The following WNT2 variants were observed in gnomAD, a reference collection of about 807,000 sequenced individuals.
The protein encoded by WNT2 is Wnt family member 2, also known as protein Wnt-2.
In WNT2, 12 loss-of-function variants were observed where a neutral mutation model predicts 36.9. The ratio of observed to expected loss-of-function variants is 0.33; its 90% CI spans 0.21 to 0.53. The LOEUF is 0.53. Ranked by LOEUF, WNT2 falls within the 20% of genes least tolerant of loss-of-function variation. The pLI, the probability that WNT2 is intolerant of heterozygous loss-of-function variation, is 0.95. For synonymous variants in WNT2, 163 were observed against 174.6 expected (o/e 0.93, Z 0.52); for missense variants, 379 against 473.1 (o/e 0.80, Z 1.84).
intron 3 of WNT2, among the ~76,000 whole-genome samples, chr7:117,304,311 T>G (rs1347441615): frequency 6.6e-6 from 1 of 152,172 alleles, no homozygotes; most frequent in Non-Finnish European, 1.5e-5. Context: ...TTACTTTGTA[T>G]TTTTTCCCCT....
chr7:117,283,468 G>A (rs981550725), intron 4 of WNT2, among the ~76,000 whole-genome samples: 23 of 152,204 alleles, frequency 1.5e-4, no homozygotes, highest in Non-Finnish European at 2.4e-4. Flanking sequence ...GAAGTGTCTC[G>A]TTCCTGACTC....
At chr7:117,283,886 G>C (rs1794537795) in intron 4 of WNT2, among the ~76,000 whole-genome samples, 3 of 152,194 alleles carry the variant, frequency 2.0e-5, no homozygotes, top group South Asian at 4.1e-4. Flanking sequence ...AATGAGAGAG[G>C]GTTTTTGAGG....
chr7:117,308,475 C>T (rs1349539324), intron 3 of WNT2, among the ~76,000 whole-genome samples: 1 of 152,192 alleles, frequency 6.6e-6, no homozygotes, highest in Non-Finnish European at 1.5e-5. Flanking sequence ...TATTCCCTGT[C>T]TTGGGACTTG....
intron 3 of WNT2, among the ~76,000 whole-genome samples, chr7:117,314,093 A>ATT (rs1446216115): frequency 1.3e-5 from 2 of 152,168 alleles, no homozygotes; most frequent in Non-Finnish European, 2.9e-5. Context: ...TATCAAACAC[A>ATT]TTTTTATGTT....
At chr7:117,318,604 G>T (rs1795263460) in intron 2 of WNT2, among the ~76,000 whole-genome samples, 1 of 152,160 alleles carries the variant, frequency 6.6e-6, no homozygotes, top group Non-Finnish European at 1.5e-5. Flanking sequence ...GTGGCAATAT[G>T]TTGGCTCACT....
At chr7:117,319,145 A>T (rs1795274275) in intron 2 of WNT2, among the ~76,000 whole-genome samples, 1 of 152,218 alleles carries the variant, frequency 6.6e-6, no homozygotes, top group Non-Finnish European at 1.5e-5. Flanking sequence ...TACTCGTGCT[A>T]GATATTTGCA....
chr7:117,284,750 C>T lies in WNT2; in HGVS notation c.854-6366G>A, dbSNP rs1051912348. ...TGGAGCACTTATGTGAGCTAGGCCC[C>T]ATGCTAAGCATTTTGCCTGCATTGT... is the stretch of plus-strand genomic sequence containing the variant. On this transcript the variant is annotated intron_variant, in intron 4 of 4. Coordinates refer to ENST00000265441, the MANE Select transcript of WNT2 (RefSeq NM_003391.3). This position sits in a 1 kb window ranked among gnomAD's most constrained non-coding sequence, Gnocchi z 5.2. Among the ~76,000 whole-genome samples, 4 of 152,222 alleles carry T rather than the reference C, an allele frequency of 2.6e-5. No individual in the cohort carries two copies. The East Asian group carries it at 7.7e-4, about 29-fold the overall frequency.
chr7:117,317,902 A>G (rs1795250419), intron 2 of WNT2, among the ~76,000 whole-genome samples: 1 of 152,196 alleles, frequency 6.6e-6, no homozygotes, highest in South Asian at 2.1e-4. Flanking sequence ...GAAAATATTT[A>G]TAAGGATGAG....
chr7:117,287,498 A>AT (rs1794606656), intron 4 of WNT2, among the ~76,000 whole-genome samples: 1 of 151,976 alleles, frequency 6.6e-6, no homozygotes, highest in Non-Finnish European at 1.5e-5. Context: ...AACCTCCTTC[A>AT]TTAGGCCTGT....
Position 117,311,264 on chromosome 7 carries a change from GA to G in WNT2, c.588+3806del, listed in dbSNP as rs372735299. 7.1e-3 allele frequency among the ~76,000 whole-genome samples: 1,076 copies of G among 152,096 alleles called. 18 individuals carry two copies. The highest frequency in any genetic ancestry group is 0.023 in the African/African-American group (943 of 41,486). The stretch of plus-strand genomic sequence containing the variant: ...GAAAATGTGTGAAGACACACACAAA[GA>G]AAAAAAATCATCAGTAAACTACCTT... On this transcript the variant is annotated intron_variant, in intron 3 of 4. Transcript: ENST00000265441.
chr7:117,311,757 CT>C (rs763536467), intron 3 of WNT2, among the ~76,000 whole-genome samples: 6 of 152,122 alleles, frequency 3.9e-5, no homozygotes, highest in Non-Finnish European at 4.4e-5. Flanking sequence ...GGGAAAGGAA[CT>C]TTTATTAAGC....
intron 3 of WNT2, among the ~76,000 whole-genome samples, chr7:117,309,492 T>A (rs1795081773): frequency 6.6e-6 from 1 of 152,212 alleles, no homozygotes; most frequent in East Asian, 1.9e-4. Flanking sequence ...GAATTTCAGA[T>A]GATTTCAATG....
intron 4 of WNT2, among the ~76,000 whole-genome samples, chr7:117,281,797 A>T (rs955889373): frequency 2.6e-5 from 4 of 152,172 alleles, no homozygotes; most frequent in Admixed American, 2.6e-4. Flanking sequence ...GGGAGTGTCA[A>T]GTAGGAAAAG....
chr7:117,322,945 G>C lies in WNT2; in HGVS notation c.45C>G (p.Leu15=), dbSNP rs756517583. 1.2e-6 allele frequency: 2 copies of C among 1,613,728 alleles called. No individual in the cohort carries two copies. Among genetic ancestry groups the C allele is most frequent in the African/African-American group, 2.7e-5 (2 of 74,908 alleles). The change falls in exon 1 of 5, where the codon CTC becomes CTG. Residue 15 remains leucine, a synonymous_variant. Transcript: ENST00000265441. This position sits in a 1 kb window ranked among gnomAD's most constrained non-coding sequence, Gnocchi z 5.4. Reference sequence around the variant, plus strand: ...TGACCTCGGGGGTGAGCCAGGTCAAGAGCAGAGGGAGCCAGAGCCAGATTC... The same window carrying C: ...TGACCTCGGGGGTGAGCCAGGTCAACAGCAGAGGGAGCCAGAGCCAGATTC... ...LGGIWLWLPL[L]LTWLTPEVNS... is the part of the protein sequence containing the mutation.
Position 117,297,838 on chromosome 7 carries a change from G to C in WNT2, c.627C>G (p.His209Gln). The change falls in exon 4 of 5, where the codon CAC becomes CAG. Residue 209 changes from histidine (H) to glutamine (Q), a missense_variant. His to Gln is a conservative substitution (Grantham distance 24). Transcript: ENST00000265441. The stretch of plus-strand genomic sequence containing the variant: ...TGAGAGTACATGAGCCGCTCACCCC[G>C]TGGCACTTGCACTCTTGTTTCAAGA... ...KRFLKQECKC[H>Q]GVSGSCTLRT... 6.2e-7 allele frequency: 1 copy of C among 1,613,918 alleles called. No homozygotes were observed. Among genetic ancestry groups the C allele is most frequent in the Non-Finnish European group, 8.5e-7 (1 of 1,179,880 alleles).
At chr7:117,288,095 C>A (rs888662737) in intron 4 of WNT2, among the ~76,000 whole-genome samples, 2 of 152,138 alleles carry the variant, frequency 1.3e-5, no homozygotes, top group African/African-American at 4.8e-5. Context: ...GGCAGCAGAC[C>A]AGCTAAACCT....
intron 3 of WNT2, among the ~76,000 whole-genome samples, chr7:117,301,185 G>A (rs1171362040): frequency 6.6e-6 from 1 of 152,186 alleles, no homozygotes; most frequent in African/African-American, 2.4e-5. Flanking sequence ...AGCATCTCTA[G>A]TATTGGGCTT....
At chr7:117,319,509 T>C (rs977219973) in intron 2 of WNT2, among the ~76,000 whole-genome samples, 19 of 132,150 alleles carry the variant, frequency 1.4e-4, no homozygotes, top group Non-Finnish European at 3.1e-4. Flanking sequence ...GTCTGGATGA[T>C]TTTCTTAGGA....
intron 2 of WNT2, among the ~76,000 whole-genome samples, chr7:117,316,104 TTTTC>T (rs1795212477): frequency 6.6e-6 from 1 of 152,160 alleles, no homozygotes; most frequent in Non-Finnish European, 1.5e-5. Context: ...AGTGAAAAGT[TTTTC>T]TTTGGTTTTT....
Sources: gnomAD v4.1 joint callset for allele counts (sites outside exome capture counted in the v4.1 genomes callset) on GRCh38, gnomAD v4.1.1 for gene constraint, Gnocchi (gnomAD v3.1) non-coding constraint, MANE v1.5 for transcripts, NCBI Gene and HGNC (gene_info 2026-07-23, HGNC 2026-07-21) for gene names.